THOC5: variants seen among roughly 807,000 people sequenced by gnomAD.
THOC5 encodes Fms-interacting protein.
A neutral mutation model predicts 92.9 loss-of-function variants in THOC5; 43 were observed. That is an observed-to-expected ratio of 0.46 (90% CI 0.36 to 0.60). The LOEUF is 0.60. THOC5 is among the 20% of genes least tolerant of loss of function. The probability of loss-of-function intolerance (pLI) is 0.00; values close to 1 mark genes in which losing one functional copy is unlikely to be tolerated. For missense variants in THOC5, 659 were observed against 849.4 expected, an observed-to-expected ratio of 0.78 and a Z score of 2.79; for synonymous variants, 296 against 320.1, an observed-to-expected ratio of 0.92 and a Z score of 0.80.
rs1236007001 is a variant in THOC5, at chr22:29,507,325, C to A, written c.*1132G>T. ...TGAAGACCTTTATGGTGATCCACTT[C>A]TACTTAATAGTAGATATATATTTTC... is the stretch of plus-strand genomic sequence containing the variant. On this transcript the variant is annotated 3_prime_UTR_variant, in exon 20 of 20. Transcript: ENST00000490103. 1 of 152,146 alleles carries A rather than the reference C, an allele frequency of 6.6e-6. No homozygotes were observed. Among genetic ancestry groups the A allele is most frequent in the Non-Finnish European group, 1.5e-5 (1 of 68,038 alleles). 9.4% of individuals were successfully genotyped at this position (152,146 alleles called of 1,614,324 possible). A position where few individuals can be genotyped will look rare whatever the true frequency, so the allele number is the denominator to read the frequency against.
chr22:29,509,388 A>G (rs2283860), intron 19 of THOC5, among the ~76,000 whole-genome samples: 68,886 of 152,012 alleles, frequency 0.45, 16,102 homozygotes, highest in East Asian at 0.75. Flanking sequence ...ATGTGCTAGA[A>G]TGGGCTGGGC....
At position 29,511,198 on chromosome 22, in the gene THOC5, C is replaced by T. The variant is rs1010883097; in HGVS notation, c.1896G>A (p.Leu632=). 6.2e-7 allele frequency: 1 copy of T among 1,614,240 alleles called. No homozygotes were observed. Among genetic ancestry groups the T allele is most frequent in the Non-Finnish European group, 8.5e-7 (1 of 1,180,040 alleles). ...LTNQLQRLCV[L]LDVYLETESH... Reference sequence around the variant, plus strand: ...TCTCGGTCTCCAGGTAAACATCCAGCAGCACACACAGCCGCTGCAGCTGGT... The same window carrying T: ...TCTCGGTCTCCAGGTAAACATCCAGTAGCACACACAGCCGCTGCAGCTGGT... The change falls in exon 19 of 20, where the codon CTG becomes CTA. Residue 632 remains leucine, a synonymous_variant. Transcript: ENST00000490103.
chr22:29,544,342 A>C, intron 3 of THOC5, 118 bp downstream of exon 3: 5 of 1,117,256 alleles, frequency 4.5e-6, no homozygotes, highest in Non-Finnish European at 6.1e-6. Context: ...CTCAGGCTCC[A>C]ATCACCTGAT....
In THOC5 at chr22:29,538,782, G is replaced by A. The variant is rs568854645; in HGVS notation, c.599+548C>T. Among the ~76,000 whole-genome samples the A allele has an allele frequency of 2.1e-4, 25 of 116,496 alleles. No individual in the cohort carries two copies. In the South Asian group the frequency reaches 7.3e-3, roughly 34 times the overall value. 76.4% of individuals were successfully genotyped at this position (116,496 alleles called of 152,430 possible). A position where few individuals can be genotyped will look rare whatever the true frequency, so the allele number is the denominator to read the frequency against. ...ACAGCACTCCATCCTGAGCAATAGAGTGAAACGCCATCTCTTTGGAAAAAA... is the reference window on the plus strand; with the variant it reads ...ACAGCACTCCATCCTGAGCAATAGAATGAAACGCCATCTCTTTGGAAAAAA... On this transcript the variant is annotated intron_variant, in intron 6 of 19. Transcript: ENST00000490103.
rs192480952 is a variant in THOC5, at chr22:29,541,272, G to A, written c.452+1587C>T. Among the ~76,000 whole-genome samples, 8 of 152,084 alleles carry A rather than the reference G, an allele frequency of 5.3e-5. No homozygotes were observed. In the East Asian group the frequency reaches 1.5e-3, roughly 29 times the overall value. ...CACCTTTAATCTTACCCTTTTGGGA[G>A]GCCAAGGCAGGTGGATCATTTGCAA... On this transcript the variant is annotated intron_variant, in intron 5 of 19. Transcript: ENST00000490103.
At chr22:29,546,394 T>C (rs2064019800) in intron 2 of THOC5, among the ~76,000 whole-genome samples, 2 of 148,142 alleles carry the variant, frequency 1.4e-5, no homozygotes, top group East Asian at 3.9e-4. Flanking sequence ...CTTGAATTTC[T>C]CCGCAAAAAA....
chr22:29,517,239 G>A (rs1171733574), intron 16 of THOC5, 24 bp downstream of exon 16: 10 of 1,610,524 alleles, frequency 6.2e-6, no homozygotes, highest in Middle Eastern at 1.7e-4. Context: ...GACAGTAAGG[G>A]TAACTTGTCA....
chr22:29,533,550 A>G (rs562691843), intron 7 of THOC5, among the ~76,000 whole-genome samples: 194 of 152,360 alleles, frequency 1.3e-3, no homozygotes, highest in African/African-American at 4.3e-3. Flanking sequence ...CTAACCATAA[A>G]GGAAAAGAAT....
intron 19 of THOC5, 114 bp from the exon 20 acceptor site, chr22:29,508,634 G>A: frequency 1.1e-6 from 1 of 950,972 alleles, no homozygotes; most frequent in Non-Finnish European, 1.6e-6. Flanking sequence ...GACACAGAAT[G>A]TTGTTGAGAA....
chr22:29,537,331 T>C (rs1003503793), intron 6 of THOC5, among the ~76,000 whole-genome samples: 1 of 152,172 alleles, frequency 6.6e-6, no homozygotes, highest in Non-Finnish European at 1.5e-5. Context: ...GCTAAGACAC[T>C]GACACAAATT....
At chr22:29,537,855 C>T (rs1325659663) in intron 6 of THOC5, among the ~76,000 whole-genome samples, 3 of 152,128 alleles carry the variant, frequency 2.0e-5, no homozygotes, top group African/African-American at 7.2e-5. Context: ...CACACCATTG[C>T]ATTCCAGCCT....
intron 5 of THOC5, among the ~76,000 whole-genome samples, chr22:29,541,658 G>A (rs1206951847): frequency 5.3e-5 from 8 of 149,738 alleles, no homozygotes; most frequent in Non-Finnish European, 1.0e-4. Flanking sequence ...TCAGGAGATC[G>A]AGACCATCCT....
At chr22:29,525,382 AG>A (rs1379250529) in intron 12 of THOC5, among the ~76,000 whole-genome samples, 5 of 152,170 alleles carry the variant, frequency 3.3e-5, no homozygotes, top group African/African-American at 1.2e-4. Context: ...AAACTTTCAC[AG>A]GGACCCACCA....
intron 4 of THOC5, 78 bp downstream of exon 4, chr22:29,543,347 CAAAA>C (rs59948387): frequency 0.014 from 6,619 of 459,918 alleles, no homozygotes; most frequent in East Asian, 0.021. Flanking sequence ...GACTCTGTCT[CAAAA>C]AAAAAAAAAA....
intron 17 of THOC5, 73 bp from the exon 18 acceptor site, chr22:29,512,209 G>A: frequency 8.7e-7 from 1 of 1,154,922 alleles, no homozygotes; most frequent in South Asian, 1.3e-5. Flanking sequence ...CCTCCCCACT[G>A]CACCCCTGAG....
chr22:29,543,450 T>G lies in THOC5; in HGVS notation c.333A>C (p.Lys111Asn). 1 of 1,614,036 alleles carries G rather than the reference T, an allele frequency of 6.2e-7. No homozygotes were observed. The highest frequency in any genetic ancestry group is 8.5e-7 in the Non-Finnish European group (1 of 1,179,958). ...CTACCTCGTGGGTCTGATCTCTTCC[T>G]TTCTTCAACCTGATGTGGGCTAATC... ...LNRLAHIRLKKGRDQTHEAKQ... is the reference protein window; with the variant it reads ...LNRLAHIRLKNGRDQTHEAKQ... The change falls in exon 4 of 20, where the codon AAA becomes AAC. Residue 111 changes from lysine to asparagine, a missense_variant. Transcript: ENST00000490103.
At chr22:29,537,276 C>A (rs2063777815) in intron 6 of THOC5, among the ~76,000 whole-genome samples, 1 of 152,234 alleles carries the variant, frequency 6.6e-6, no homozygotes, top group South Asian at 2.1e-4. Flanking sequence ...CAGTGCCCAG[C>A]ACAATCAGTG....
At chr22:29,523,909 C>G (rs1284457528) in intron 12 of THOC5, among the ~76,000 whole-genome samples, 1 of 152,148 alleles carries the variant, frequency 6.6e-6, no homozygotes, top group Non-Finnish European at 1.5e-5. Flanking sequence ...AAACTGTATG[C>G]CAGGTTGCTG....
chr22:29,542,039 C>T (rs1601449274), intron 5 of THOC5, among the ~76,000 whole-genome samples: 1 of 151,394 alleles, frequency 6.6e-6, no homozygotes, highest in African/African-American at 2.4e-5. Flanking sequence ...CTTCTCTTCC[C>T]GTTTACTCCT....
Sources: gnomAD v4.1 joint callset for allele counts (sites outside exome capture counted in the v4.1 genomes callset) on GRCh38, gnomAD v4.1.1 for gene constraint, MANE v1.5 for transcripts, NCBI Gene and HGNC (gene_info 2026-07-23, HGNC 2026-07-21) for gene names.